VSIG10: variants seen among roughly 807,000 people sequenced by gnomAD.
VSIG10 encodes V-set and immunoglobulin domain containing 10.
A neutral mutation model predicts 58.7 loss-of-function variants in VSIG10; 48 were observed. That is an observed-to-expected ratio of 0.82 (90% CI 0.65 to 1.04). The LOEUF (loss-of-function observed/expected upper bound fraction) is 1.04. Among genes scored for constraint, VSIG10 ranks in the 50% least tolerant of loss-of-function variants. The pLI is 0.00. For synonymous variants in VSIG10, 260 were observed against 267.1 expected (o/e 0.97, Z 0.26); for missense variants, 628 against 670.0 (o/e 0.94, Z 0.69).
Position 118,103,636 on chromosome 12 carries a change from G to A in VSIG10, c.36C>T (p.Val12=). 12 of 1,511,060 alleles carry A rather than the reference G, an allele frequency of 7.9e-6. No individual in the cohort carries two copies. The highest frequency in any genetic ancestry group is 1.1e-5 in the Non-Finnish European group (12 of 1,135,706). 93.6% of individuals were successfully genotyped at this position (1,511,060 alleles called of 1,614,324 possible). The change falls in exon 1 of 9, where the codon GTC becomes GTT. Residue 12 remains valine, a synonymous_variant. Transcript: ENST00000359236. The stretch of plus-strand genomic sequence containing the variant: ...CCAGGAGCGCCCCGAGGCAGACGAG[G>A]ACGCGGGGCTCGGGCGCACTGCCGC... ...AAGGSAPEPR[V]LVCLGALLAG...
At chr12:118,093,358 T>G (rs1196435160) in intron 2 of VSIG10, among the ~76,000 whole-genome samples, 1 of 151,640 alleles carries the variant, frequency 6.6e-6, no homozygotes, top group African/African-American at 2.4e-5. Context: ...GTTTACAACC[T>G]CGCACTCTAA....
chr12:118,080,155 AT>A (rs1159465740), intron 3 of VSIG10, among the ~76,000 whole-genome samples: 3 of 138,104 alleles, frequency 2.2e-5, no homozygotes, highest in African/African-American at 8.5e-5. Context: ...TTTCTTATTT[AT>A]TTTTTCTTTT....
chr12:118,090,078 C>T (rs1333291836), intron 2 of VSIG10, among the ~76,000 whole-genome samples: 1 of 152,200 alleles, frequency 6.6e-6, no homozygotes, highest in Non-Finnish European at 1.5e-5. Context: ...CTTTGGGAGG[C>T]TGAGGCGGGC....
chr12:118,102,156 C>T (rs941522736), intron 1 of VSIG10: 10 of 152,312 alleles, frequency 6.6e-5, no homozygotes, highest in Admixed American at 2.6e-4. Flanking sequence ...CCCCATGGGG[C>T]GGGTGGCAGT....
intron 1 of VSIG10, among the ~76,000 whole-genome samples, chr12:118,096,934 G>A (rs937901625): frequency 1.3e-5 from 2 of 152,114 alleles, no homozygotes; most frequent in Non-Finnish European, 2.9e-5. Flanking sequence ...AGCTACTCGG[G>A]AAGCTAAGGT....
rs1006703936 is a variant in VSIG10, at chr12:118,063,837, C to T, written c.*2802G>A. On this transcript the variant is annotated 3_prime_UTR_variant, in exon 9 of 9. Transcript: ENST00000359236. ...CTAAGTCTCAGTGCATGGGTTATTG[C>T]AATTTTCCATCTTGTGTTTTCCTGC... is the stretch of plus-strand genomic sequence containing the variant. The T allele has an allele frequency of 2.6e-5, 4 of 152,166 alleles. No individual in the cohort carries two copies. The highest frequency in any genetic ancestry group is 1.3e-4 in the Admixed American group (2 of 15,270). The allele number at this position is 152,166 out of a possible 1,614,324, so 9.4% of individuals were successfully genotyped here.
intron 3 of VSIG10, 126 bp downstream of exon 3, chr12:118,082,001 G>C: frequency 9.1e-7 from 1 of 1,103,208 alleles, no homozygotes; most frequent in Non-Finnish European, 1.2e-6. Context: ...TGGGCAAGAA[G>C]AGGGAAACTC....
At position 118,066,481 on chromosome 12, in the gene VSIG10, A is replaced by T. The variant is rs2032249421; in HGVS notation, c.*158T>A. 1 of 721,196 alleles carries T rather than the reference A, an allele frequency of 1.4e-6. No individual in the cohort carries two copies. Among genetic ancestry groups the T allele is most frequent in the African/African-American group, 1.8e-5 (1 of 56,740 alleles). The allele number at this position is 721,196 out of a possible 1,614,324, so 44.7% of individuals were successfully genotyped here. ...AATGTTTTTCAATACATGGAAGGAAAGATGTGTGTGCTTGGTTTTGTTTTT... is the reference window on the plus strand; with the variant it reads ...AATGTTTTTCAATACATGGAAGGAATGATGTGTGTGCTTGGTTTTGTTTTT... On this transcript the variant is annotated 3_prime_UTR_variant, in exon 9 of 9. Coordinates refer to ENST00000359236, the MANE Select transcript of VSIG10 (RefSeq NM_019086.6).
intron 4 of VSIG10, among the ~76,000 whole-genome samples, chr12:118,077,601 C>A (rs1169885927): frequency 6.6e-6 from 1 of 152,152 alleles, no homozygotes; most frequent in Non-Finnish European, 1.5e-5. Flanking sequence ...TCAATGTGGG[C>A]TGGACTTATT....
chr12:118,082,045 T>C (rs1348925938), intron 3 of VSIG10, 82 bp downstream of exon 3: 6 of 926,540 alleles, frequency 6.5e-6, no homozygotes, highest in South Asian at 3.0e-5. Context: ...AAAAGACAAA[T>C]GGGAGAGGCA....
intron 4 of VSIG10, among the ~76,000 whole-genome samples, chr12:118,076,707 A>G (rs1233524704): frequency 6.6e-6 from 1 of 151,878 alleles, no homozygotes; most frequent in African/African-American, 2.4e-5. Flanking sequence ...TCACTCTGAC[A>G]CCCAGGCCTG....
Position 118,079,583 on chromosome 12 carries a change from A to G in VSIG10, c.688T>C (p.Cys230Arg). The change falls in exon 4 of 9, where the codon TGC becomes CGC. Residue 230 changes from cysteine (C) to arginine (R), a missense_variant. Physicochemically the swap from Cys to Arg is radical, Grantham distance 180. Transcript: ENST00000359236. Reference protein sequence around the residue: ...VYYPPPSAPQCWAQMASGSFM... With the variant: ...VYYPPPSAPQRWAQMASGSFM... Reference sequence around the variant, plus strand: ...GATCCTGATGCCATCTGTGCCCAGCACTGGGGAGCTGATGGAGGGGGATCT... The same window carrying G: ...GATCCTGATGCCATCTGTGCCCAGCGCTGGGGAGCTGATGGAGGGGGATCT... 1 of 1,614,014 alleles carries G rather than the reference A, an allele frequency of 6.2e-7. No individual in the cohort carries two copies. Among genetic ancestry groups the G allele is most frequent in the Non-Finnish European group, 8.5e-7 (1 of 1,179,890 alleles).
chr12:118,077,314 G>A (rs532813275), intron 4 of VSIG10, among the ~76,000 whole-genome samples: 1 of 152,240 alleles, frequency 6.6e-6, no homozygotes, highest in African/African-American at 2.4e-5. Flanking sequence ...TCTAAGGATA[G>A]ATTATTACCA....
At chr12:118,102,307 C>T (rs559614089) in intron 1 of VSIG10, 1 of 152,306 alleles carries the variant, frequency 6.6e-6, no homozygotes, top group Non-Finnish European at 1.5e-5. Flanking sequence ...CTTTCACGTC[C>T]AGAGATGACC....
rs2033690308 is a variant in VSIG10 at position 118,104,010 on chromosome 12, C to T, written c.-339G>A. The T allele has an allele frequency of 4.6e-6, 1 of 218,460 alleles. No homozygotes were observed. The highest frequency in any genetic ancestry group is 1.4e-4 in the South Asian group (1 of 6,978). The allele number at this position is 218,460 out of a possible 1,614,324, so 13.5% of individuals were successfully genotyped here. The stretch of plus-strand genomic sequence containing the variant: ...CAGCCAGGCGGGAGCCCAACTTCCT[C>T]TACCTTGGCCCGGGAGGAGGGCTTT... On this transcript the variant is annotated 5_prime_UTR_variant, in exon 1 of 9. Coordinates refer to ENST00000359236, the MANE Select transcript of VSIG10 (RefSeq NM_019086.6).
chr12:118,086,436 TG>T lies in VSIG10; in HGVS notation c.362-4008del, dbSNP rs540996465. Among the ~76,000 whole-genome samples, 305 of 151,734 alleles carry T rather than the reference TG, an allele frequency of 2.0e-3. 3 individuals are homozygous for T. The highest frequency in any genetic ancestry group is 6.9e-3 in the African/African-American group (284 of 41,354). On this transcript the variant is annotated intron_variant, in intron 2 of 8. Transcript: ENST00000359236. ...TGAGCCGAGATCATGCCAGTGTGGG[TG>T]ACCAAGTAAAACTGCGTCTCAAAAA... is the stretch of plus-strand genomic sequence containing the variant.
intron 2 of VSIG10, among the ~76,000 whole-genome samples, chr12:118,083,599 T>C (rs1328513255): frequency 1.3e-5 from 2 of 151,538 alleles, no homozygotes; most frequent in Admixed American, 6.6e-5. Flanking sequence ...AATAAATAAA[T>C]AGCCAGGTGT....
chr12:118,077,815 C>G (rs2032785914), intron 4 of VSIG10, among the ~76,000 whole-genome samples: 1 of 152,150 alleles, frequency 6.6e-6, no homozygotes, highest in South Asian at 2.1e-4. Context: ...GTGAGGACTT[C>G]AAAAGTAGAT....
chr12:118,089,814 A>G (rs1159283634), intron 2 of VSIG10, among the ~76,000 whole-genome samples: 1 of 151,974 alleles, frequency 6.6e-6, no homozygotes, highest in Non-Finnish European at 1.5e-5. Flanking sequence ...GTCTCCTTCC[A>G]AAATATTTTC....
Sources: gnomAD v4.1 joint callset for allele counts (sites outside exome capture counted in the v4.1 genomes callset) on GRCh38, gnomAD v4.1.1 for gene constraint, MANE v1.5 for transcripts, NCBI Gene and HGNC (gene_info 2026-07-23, HGNC 2026-07-21) for gene names.